PDE1C: variants seen among roughly 807,000 people sequenced by gnomAD.
The protein encoded by PDE1C is phosphodiesterase 1C, also known as dual specificity calcium/calmodulin-dependent 3',5'-cyclic nucleotide phosphodiesterase 1C.
A neutral mutation model predicts 93.1 loss-of-function variants in PDE1C; 62 were observed. The observed-to-expected ratio is 0.67, with a 90% CI of 0.54 to 0.82. The LOEUF (loss-of-function observed/expected upper bound fraction) is 0.82, where lower values mean the gene tolerates loss of function less well. Ranked by LOEUF, PDE1C falls within the 40% of genes least tolerant of loss-of-function variation. The pLI is 0.00. For synonymous variants in PDE1C, 325 were observed against 310.1 expected (o/e 1.05, Z -0.50); for missense variants, 742 against 884.6 (o/e 0.84, Z 2.04).
chr7:31,785,849 T>C (rs1783871181), intron 16 of PDE1C: 1 of 152,216 alleles, frequency 6.6e-6, no homozygotes, highest in South Asian at 2.1e-4. Context: ...AAATCTGGCC[T>C]TGGCAGGTAA....
At chr7:31,992,067 C>T (rs1242388899) in intron 2 of PDE1C, among the ~76,000 whole-genome samples, 3 of 152,222 alleles carry the variant, frequency 2.0e-5, no homozygotes, top group Non-Finnish European at 2.9e-5. Context: ...TGAAAAAGGA[C>T]TTGGTTGCAG....
intron 1 of PDE1C, among the ~76,000 whole-genome samples, chr7:32,332,576 TA>T: frequency 6.6e-6 from 1 of 152,202 alleles, no homozygotes; most frequent in South Asian, 2.1e-4. Context: ...TGCCAGAATA[TA>T]CATACCACAA....
At chr7:31,964,974 G>C (rs1809675324) in intron 2 of PDE1C, among the ~76,000 whole-genome samples, 1 of 152,066 alleles carries the variant, frequency 6.6e-6, no homozygotes, top group South Asian at 2.1e-4. Context: ...CATCATCAAA[G>C]ACCAAAGGTA....
intron 1 of PDE1C, among the ~76,000 whole-genome samples, chr7:32,311,599 T>A (rs74888529): frequency 6.6e-6 from 1 of 151,564 alleles, no homozygotes; most frequent in Non-Finnish European, 1.5e-5. Flanking sequence ...GCTGGTTCAA[T>A]ATACGCAAAT....
At chr7:32,212,297 G>A (rs1369285203) in intron 1 of PDE1C, among the ~76,000 whole-genome samples, 5 of 152,108 alleles carry the variant, frequency 3.3e-5, no homozygotes, top group African/African-American at 7.2e-5. Context: ...TCACTCAGCC[G>A]GGCCCTCCCT....
At chr7:32,425,740 A>C (rs1466325199) in intron 1 of PDE1C, among the ~76,000 whole-genome samples, 1 of 152,140 alleles carries the variant, frequency 6.6e-6, no homozygotes, top group South Asian at 2.1e-4. Context: ...CCAAGGGTTC[A>C]AGACCAGACT....
At chr7:32,001,149 G>A (rs1357764241) in intron 2 of PDE1C, among the ~76,000 whole-genome samples, 1 of 152,122 alleles carries the variant, frequency 6.6e-6, no homozygotes, top group Non-Finnish European at 1.5e-5. Context: ...CATTCTTAAA[G>A]AATACAGAAG....
chr7:32,302,752 A>T (rs942098038), upstream of PDE1C, among the ~76,000 whole-genome samples: 8 of 152,240 alleles, frequency 5.3e-5, no homozygotes, highest in South Asian at 2.1e-4. Context: ...TTCTAAGAAA[A>T]CATCTTTTTA....
In PDE1C at chr7:31,837,276, G is replaced by A. The variant is rs139193955; in HGVS notation, c.1107C>T (p.Ser369=). The change falls in exon 11 of 18, where the codon TCC becomes TCT. Residue 369 remains serine (S), a synonymous_variant. Coordinates refer to ENST00000396191, the MANE Select transcript of PDE1C (RefSeq NM_001191057.4). ...TAATATCTGCTGTATGCAGCATAAG[G>A]GATAAGGCTTTTGGCTTTTCAATGC... The part of the protein sequence containing the change: ...PEAIEKPKAL[S]LMLHTADISH... The A allele has an allele frequency of 6.4e-5, 104 of 1,612,710 alleles. No homozygotes were observed. The African/African-American group carries it at 1.2e-3, about 19-fold the overall frequency.
intron 1 of PDE1C, among the ~76,000 whole-genome samples, chr7:32,220,104 C>CT (rs10691851): frequency 7.6e-4 from 112 of 148,302 alleles, no homozygotes; most frequent in Admixed American, 1.0e-3. Flanking sequence ...CCTTAAACCT[C>CT]TTTTTTTTTT....
chr7:31,891,631 T>C (rs1025695536), intron 2 of PDE1C, among the ~76,000 whole-genome samples: 5 of 151,970 alleles, frequency 3.3e-5, no homozygotes, highest in Admixed American at 6.6e-5. Context: ...ATTCTTAAAA[T>C]GGAGGACAAG....
intron 1 of PDE1C, among the ~76,000 whole-genome samples, chr7:32,391,879 A>G (rs886425601): frequency 2.0e-5 from 3 of 152,096 alleles, no homozygotes; most frequent in African/African-American, 7.2e-5. Flanking sequence ...TGCATATATT[A>G]GAAAAAAGGA....
chr7:31,732,630 C>CTCTCA, the PDE1C span, among the ~76,000 whole-genome samples: 1 of 92,030 alleles, frequency 1.1e-5, no homozygotes, highest in African/African-American at 5.6e-5. Flanking sequence ...TCTCTCTCTC[C>CTCTCA]TCTCTTTCTG....
rs1359240212 is a variant in PDE1C at position 32,387,846 on chromosome 7, CG to C, written c.310+39975del. On this transcript the variant is annotated intron_variant, in intron 1 of 1. Transcript: ENST00000672256. ...CTCCCTCCAGGACGGGGCGGCTGGC[CG>C]GGCAGGGGGCTGACCCCCCTCCCCC... Among the ~76,000 whole-genome samples, 3 of 118,906 alleles carry C rather than the reference CG, an allele frequency of 2.5e-5. No homozygotes were observed. In the East Asian group the frequency reaches 6.3e-4, roughly 25 times the overall value. 78.0% of individuals were successfully genotyped at this position (118,906 alleles called of 152,430 possible).
intron 3 of PDE1C, among the ~76,000 whole-genome samples, chr7:32,133,916 T>C (rs1800065220): frequency 6.6e-6 from 1 of 151,548 alleles, no homozygotes; most frequent in South Asian, 2.1e-4. Flanking sequence ...GACAGGAAAT[T>C]TCAGCTGGTA....
intron 2 of PDE1C, among the ~76,000 whole-genome samples, chr7:32,198,553 T>G (rs559116311): frequency 6.6e-6 from 1 of 152,286 alleles, no homozygotes; most frequent in South Asian, 2.1e-4. Flanking sequence ...TACCAACCCT[T>G]GGGTTTGAGC....
intron 1 of PDE1C, among the ~76,000 whole-genome samples, chr7:32,424,504 C>T (rs932016279): frequency 3.3e-5 from 5 of 152,138 alleles, no homozygotes; most frequent in Non-Finnish European, 7.3e-5. Flanking sequence ...TAAACTAAGT[C>T]GGGTGCAGTG....
chr7:31,745,321 A>T, the PDE1C span, among the ~76,000 whole-genome samples: 1 of 152,138 alleles, frequency 6.6e-6, no homozygotes, highest in Admixed American at 6.5e-5. Context: ...TCTTGTTTCC[A>T]TTTGGTACCA....
chr7:31,794,118 G>GGGCA (rs1173939926), intron 16 of PDE1C, among the ~76,000 whole-genome samples: 26 of 135,098 alleles, frequency 1.9e-4, no homozygotes, highest in Admixed American at 5.0e-4. Flanking sequence ...ATGGGCAGGC[G>GGGCA]GGCAGGCAGG....
Sources: gnomAD v4.1 joint callset for allele counts (sites outside exome capture counted in the v4.1 genomes callset) on GRCh38, gnomAD v4.1.1 for gene constraint, MANE v1.5 for transcripts, NCBI Gene and HGNC (gene_info 2026-07-23, HGNC 2026-07-21) for gene names.